Variants in UBR3 observed in about 807,000 individuals in gnomAD.
UBR3 encodes the protein E3 ubiquitin-protein ligase UBR3.
In UBR3, 85 loss-of-function variants were observed where a neutral mutation model predicts 243.2. That is an observed-to-expected ratio of 0.35 (90% confidence interval 0.29 to 0.42). The LOEUF (loss-of-function observed/expected upper bound fraction) is 0.42. Ranked by LOEUF, UBR3 falls within the 10% of genes least tolerant of loss-of-function variation. The probability of loss-of-function intolerance (pLI) is 1.00; values close to 1 mark genes in which losing one functional copy is unlikely to be tolerated. For missense variants in UBR3, 1,686 were observed against 2,300.8 expected (o/e 0.73, Z 5.47); for synonymous variants, 748 against 799.8 (o/e 0.94, Z 1.09).
chr2:170,076,102 A>G (rs2091803315), intron 36 of UBR3, among the ~76,000 whole-genome samples: 1 of 152,152 alleles, frequency 6.6e-6, no homozygotes, highest in African/African-American at 2.4e-5. Context: ...CAAGGTTCAG[A>G]TTCCTGGGAG....
intron 2 of UBR3, among the ~76,000 whole-genome samples, chr2:169,874,728 T>C (rs1461260239): frequency 2.0e-5 from 3 of 152,216 alleles, no homozygotes; most frequent in Non-Finnish European, 4.4e-5. Flanking sequence ...TAAAGTTGAA[T>C]AATATATAAC....
At chr2:169,842,675 G>A (rs2082338560) in intron 1 of UBR3, among the ~76,000 whole-genome samples, 1 of 152,090 alleles carries the variant, frequency 6.6e-6, no homozygotes, top group African/African-American at 2.4e-5. Flanking sequence ...GTGAAGGTCT[G>A]TAGCTTCACT....
chr2:170,050,585 G>T (rs985722179), intron 32 of UBR3, among the ~76,000 whole-genome samples: 1 of 151,914 alleles, frequency 6.6e-6, no homozygotes, highest in Non-Finnish European at 1.5e-5. Flanking sequence ...TATTTTGATA[G>T]TTTTTTTTGT....
intron 18 of UBR3, among the ~76,000 whole-genome samples, chr2:169,929,299 G>A (rs779825876): frequency 2.6e-5 from 4 of 152,166 alleles, no homozygotes; most frequent in African/African-American, 9.7e-5. Flanking sequence ...TATAGGCCGG[G>A]TGTGGTGGCT....
chr2:169,964,534 T>C (rs2087723552), intron 24 of UBR3: 2 of 449,524 alleles, frequency 4.4e-6, no homozygotes, highest in Non-Finnish European at 9.1e-6. Flanking sequence ...TGGATGGAGA[T>C]AGAGGTAAGT....
In UBR3 at chr2:169,956,979, C is replaced by T. The variant is rs192749538; in HGVS notation, c.3546-1459C>T. The stretch of plus-strand genomic sequence containing the variant: ...TCTGTCCATTATGTTCTCATGTCTT[C>T]TGTATTATGGGTATGACACAAAGGA... On this transcript the variant is annotated intron_variant, in intron 23 of 38. Transcript: ENST00000272793. Among the ~76,000 whole-genome samples the T allele has an allele frequency of 4.6e-5, 7 of 152,244 alleles. No homozygotes were observed. In the East Asian group the frequency reaches 1.4e-3, roughly 29 times the overall value.
chr2:169,919,442 A>G (rs1477781002), intron 11 of UBR3, among the ~76,000 whole-genome samples: 1 of 152,240 alleles, frequency 6.6e-6, no homozygotes, highest in Non-Finnish European at 1.5e-5. Context: ...CAATGGCAAC[A>G]AAAGCCAAAA....
rs1441934963 is a variant in UBR3, at chr2:169,887,117, G to T, written c.1039-4048G>T. Among the ~76,000 whole-genome samples, 3 of 152,304 alleles carry T rather than the reference G, an allele frequency of 2.0e-5. No homozygotes were observed. In the South Asian group the frequency reaches 6.2e-4, roughly 32 times the overall value. ...GGTTGAGAAACCATCTGTAGATTTT[G>T]CAGATTGGGAGTTTGAATCTGTTTT... On this transcript the variant is annotated intron_variant, in intron 5 of 38. Coordinates refer to ENST00000272793, the MANE Select transcript of UBR3 (RefSeq NM_172070.4).
intron 32 of UBR3, among the ~76,000 whole-genome samples, chr2:170,044,901 AT>A (rs2091047082): frequency 6.6e-6 from 1 of 152,002 alleles, no homozygotes; most frequent in Admixed American, 6.6e-5. Context: ...TTCACACAAA[AT>A]TTACAATTAT....
At chr2:169,974,304 CT>C (rs775568539) in intron 24 of UBR3, among the ~76,000 whole-genome samples, 1 of 152,032 alleles carries the variant, frequency 6.6e-6, no homozygotes, top group Non-Finnish European at 1.5e-5. Context: ...CTGGGCTTTT[CT>C]TTGATGGGAG....
intron 19 of UBR3, among the ~76,000 whole-genome samples, chr2:169,939,503 G>A (rs915713340): frequency 6.7e-6 from 1 of 150,316 alleles, no homozygotes; most frequent in African/African-American, 2.5e-5. Context: ...TCCTGACCTC[G>A]TGATCCGCCC....
At position 169,845,217 on chromosome 2, in the gene UBR3, G is replaced by C. The variant is rs566097423; in HGVS notation, c.545+17165G>C. 3.9e-5 allele frequency among the ~76,000 whole-genome samples: 6 copies of C among 152,108 alleles called. No homozygotes were observed. The South Asian group carries it at 1.2e-3, about 32-fold the overall frequency. ...GGTGGTGAATCACTTGAGCTCAGGAGCTGGAGACCAGCCTGGGCAACATGT... is the reference window on the plus strand; with the variant it reads ...GGTGGTGAATCACTTGAGCTCAGGACCTGGAGACCAGCCTGGGCAACATGT... On this transcript the variant is annotated intron_variant, in intron 1 of 38. Coordinates refer to ENST00000272793, the MANE Select transcript of UBR3 (RefSeq NM_172070.4).
At position 169,905,248 on chromosome 2, in the gene UBR3, C is replaced by T. The variant is rs1394198984; in HGVS notation, c.1600C>T (p.His534Tyr). ...QSVAKRFLED[H>Y]GLLVTWMNFV... The stretch of plus-strand genomic sequence containing the variant: ...TGTGGCCAAGAGATTTTTGGAGGAT[C>T]ACGGTTTGTTAGTTACATGGATGAA... The change falls in exon 9 of 39, where the codon CAC becomes TAC. Residue 534 changes from histidine to tyrosine, a missense_variant. Coordinates refer to ENST00000272793, the MANE Select transcript of UBR3 (RefSeq NM_172070.4). The T allele has an allele frequency of 6.5e-7, 1 of 1,543,314 alleles. No homozygotes were observed. The highest frequency in any genetic ancestry group is 2.5e-5 in the East Asian group (1 of 40,518).
intron 24 of UBR3, among the ~76,000 whole-genome samples, chr2:169,970,612 A>T (rs1295133103): frequency 1.7e-5 from 2 of 115,126 alleles, no homozygotes; most frequent in Non-Finnish European, 3.9e-5. Flanking sequence ...GCTGAGAATG[A>T]TGATTTCCAA....
At position 169,949,600 on chromosome 2, in the gene UBR3, G is replaced by T; in HGVS notation, c.3085-5G>T. On this transcript the variant is annotated splice_polypyrimidine_tract_variant and splice_region_variant and intron_variant, in intron 22 of 38. Transcript: ENST00000272793. The stretch of plus-strand genomic sequence containing the variant: ...TTTTTCTTTGTTTCTCTTTGTTAAT[G>T]GTAGAATTCTGGTACAGCTCAAGTT... 6.6e-7 allele frequency: 1 copy of T among 1,509,880 alleles called. No individual in the cohort carries two copies. Among genetic ancestry groups the T allele is most frequent in the Admixed American group, 2.4e-5 (1 of 41,230 alleles). 93.5% of individuals were successfully genotyped at this position (1,509,880 alleles called of 1,614,324 possible).
Position 169,842,079 on chromosome 2 carries a change from AG to A in UBR3, c.545+14029del, listed in dbSNP as rs199995636. 7.7e-3 allele frequency among the ~76,000 whole-genome samples: 1,168 copies of A among 152,186 alleles called. 12 individuals carry two copies. Among genetic ancestry groups the A allele is most frequent in the African/African-American group, 0.025 (1,058 of 41,508 alleles). ...CAATCAGCACTCTGTGTTTAGCTCA[AG>A]GTTTGTGAGTGCACCAATCGACACT... On this transcript the variant is annotated intron_variant, in intron 1 of 38. Coordinates refer to ENST00000272793, the MANE Select transcript of UBR3 (RefSeq NM_172070.4).
chr2:170,034,600 A>G (rs1418606675), intron 31 of UBR3, among the ~76,000 whole-genome samples: 1 of 151,984 alleles, frequency 6.6e-6, no homozygotes, highest in Non-Finnish European at 1.5e-5. Flanking sequence ...GTTGCTTCGA[A>G]GTTTTGGCAA....
rs1247174295 is a variant in UBR3 at position 169,843,795 on chromosome 2, G to T, written c.545+15743G>T. ...TGTCTGATTTTGGTCTCAGGGTAAA[G>T]CTGGCTTCATAAATGAGTTGGGAAG... On this transcript the variant is annotated intron_variant, in intron 1 of 38. Transcript: ENST00000272793. 2.0e-5 allele frequency among the ~76,000 whole-genome samples: 3 copies of T among 152,274 alleles called. No homozygotes were observed. In the East Asian group the frequency reaches 5.8e-4, roughly 29 times the overall value.
At chr2:169,860,101 C>T (rs187444673) in intron 1 of UBR3, among the ~76,000 whole-genome samples, 2 of 152,288 alleles carry the variant, frequency 1.3e-5, no homozygotes, top group East Asian at 1.9e-4. Context: ...TGTCCTTTCT[C>T]TTCTTGAACA....
Sources: gnomAD v4.1 joint callset for allele counts (sites outside exome capture counted in the v4.1 genomes callset) on GRCh38, gnomAD v4.1.1 for gene constraint, MANE v1.5 for transcripts, NCBI Gene and HGNC (gene_info 2026-07-23, HGNC 2026-07-21) for gene names.